EFCAB5: variants seen among roughly 807,000 people sequenced by gnomAD.
EFCAB5 encodes EF-hand calcium-binding domain-containing protein 5.
In EFCAB5, 131 loss-of-function variants were observed where a neutral mutation model predicts 167.9. The ratio of observed to expected loss-of-function variants is 0.78; its 90% CI spans 0.68 to 0.90. The LOEUF (loss-of-function observed/expected upper bound fraction) is 0.90. Ranked by LOEUF, EFCAB5 falls within the 40% of genes least tolerant of loss-of-function variation. The pLI, the probability that EFCAB5 is intolerant of heterozygous loss-of-function variation, is 0.00. For missense variants in EFCAB5, 1,663 were observed against 1,745.2 expected (o/e 0.95, Z 0.84); for synonymous variants, 574 against 602.8 (o/e 0.95, Z 0.70).
At chr17:30,091,835 T>G in intron 20 of EFCAB5, 36 bp from the exon 21 acceptor site, 1 of 1,604,496 alleles carries the variant, frequency 6.2e-7, no homozygotes, top group Non-Finnish European at 8.5e-7. Flanking sequence ...TACATTAGAC[T>G]GAACAGCAAT....
chr17:30,069,043 G>A, intron 14 of EFCAB5: 1 of 1,401,820 alleles, frequency 7.1e-7, no homozygotes, highest in Non-Finnish European at 1.0e-6. Context: ...GGATTTCATT[G>A]AAGATTACTT....
intron 7 of EFCAB5, among the ~76,000 whole-genome samples, chr17:30,020,729 C>T (rs893510392): frequency 6.6e-6 from 1 of 152,150 alleles, no homozygotes; most frequent in Non-Finnish European, 1.5e-5. Flanking sequence ...TATAAAGAGA[C>T]ATCCCAAGAT....
intron 8 of EFCAB5, among the ~76,000 whole-genome samples, chr17:30,049,713 A>G (rs1019254338): frequency 3.3e-5 from 5 of 152,324 alleles, no homozygotes; most frequent in African/African-American, 7.2e-5. Context: ...AACTCTAACA[A>G]TATCAAGTAT....
At chr17:30,020,942 G>GTAATAAAGATTACACTAGAAGA (rs71138867) in intron 7 of EFCAB5, among the ~76,000 whole-genome samples, 2 of 151,902 alleles carry the variant, frequency 1.3e-5, no homozygotes, top group African/African-American at 2.4e-5. Flanking sequence ...ACAAATTATT[G>GTAATAAAGATTACACTAGAAGA]TATCAGCATG....
At chr17:29,978,506 T>C (rs532363996) in intron 4 of EFCAB5, among the ~76,000 whole-genome samples, 1 of 152,330 alleles carries the variant, frequency 6.6e-6, no homozygotes, top group Non-Finnish European at 1.5e-5. Flanking sequence ...CAACCACTTA[T>C]GGACTGCAAG....
At position 29,969,211 on chromosome 17, in the gene EFCAB5, C is replaced by G; in HGVS notation, c.611C>G (p.Thr204Ser). The change falls in exon 4 of 23, where the codon ACT becomes AGT. Residue 204 changes from threonine to serine, a missense_variant. By Grantham distance (58) the Thr-to-Ser change is moderately conservative (BLOSUM62 1). Coordinates refer to ENST00000394835, the MANE Select transcript of EFCAB5 (RefSeq NM_198529.4). ...EKKKVLTEAD[T>S]PSKFDPINYL... Reference sequence around the variant, plus strand: ...AAGAAGGTTTTGACAGAAGCTGATACTCCAAGCAAGTTTGACCCAATTAAT... The same window carrying G: ...AAGAAGGTTTTGACAGAAGCTGATAGTCCAAGCAAGTTTGACCCAATTAAT... The G allele has an allele frequency of 2.5e-6, 4 of 1,613,864 alleles. No homozygotes were observed. The highest frequency in any genetic ancestry group is 3.4e-6 in the Non-Finnish European group (4 of 1,179,844).
At chr17:30,078,089 G>A in intron 14 of EFCAB5, 126 bp from the exon 15 acceptor site, 1 of 961,694 alleles carries the variant, frequency 1.0e-6, no homozygotes, top group Admixed American at 2.9e-5. Flanking sequence ...GATGCCTTTG[G>A]TATACTTGGT....
chr17:29,978,654 C>A (rs1263570744), intron 4 of EFCAB5, among the ~76,000 whole-genome samples: 1 of 152,158 alleles, frequency 6.6e-6, no homozygotes, highest in Admixed American at 6.5e-5. Context: ...GAGTCAACTT[C>A]TCTCCAGCTA....
chr17:30,098,780 A>G (rs956994953), intron 22 of EFCAB5, among the ~76,000 whole-genome samples: 22 of 152,312 alleles, frequency 1.4e-4, no homozygotes, highest in African/African-American at 5.3e-4. Context: ...ATCACCCCAA[A>G]TAGAAACCCT....
intron 22 of EFCAB5, among the ~76,000 whole-genome samples, chr17:30,100,996 G>A (rs541456373): frequency 6.6e-6 from 1 of 152,328 alleles, no homozygotes; most frequent in Non-Finnish European, 1.5e-5. Flanking sequence ...TCAGAGAACG[G>A]GAGGTAAGTA....
At chr17:30,041,177 C>CGAAA (rs1474847537) in intron 8 of EFCAB5, among the ~76,000 whole-genome samples, 2 of 142,820 alleles carry the variant, frequency 1.4e-5, no homozygotes, top group Non-Finnish European at 3.0e-5. Context: ...ACTGACAGAT[C>CGAAA]GAAAGAAAGG....
rs551096704 is a variant in EFCAB5 at position 30,072,941 on chromosome 17, T to C, written c.2738-5274T>C. On this transcript the variant is annotated intron_variant, in intron 14 of 22. Coordinates refer to ENST00000394835, the MANE Select transcript of EFCAB5 (RefSeq NM_198529.4). ...ATGGTTTCCTTTTTTATTCAATGGG[T>C]TATATTCCAATATTATCACTATTTG... The C allele has an allele frequency of 7.0e-5, 32 of 457,424 alleles. No homozygotes were observed. In the East Asian group the frequency reaches 1.1e-3, roughly 16 times the overall value. The allele number at this position is 457,424 out of a possible 1,614,324, so 28.3% of individuals were successfully genotyped here.
chr17:30,012,250 C>A (rs1352204207), intron 7 of EFCAB5, among the ~76,000 whole-genome samples: 1 of 152,134 alleles, frequency 6.6e-6, no homozygotes, highest in Non-Finnish European at 1.5e-5. Context: ...GGAGAAGACT[C>A]TACTCCTCCA....
chr17:30,080,914 CTGT>C lies in EFCAB5; in HGVS notation c.3362_3364del (p.Val1121del), dbSNP rs2070976055. On this transcript the variant is annotated inframe_deletion, in exon 17 of 23. Transcript: ENST00000394835. ...TATATGAGGATCTTTGGGGTCTTGGCTGTTGATACCCTTAGAGATCCCCACGAA... is the reference window on the plus strand; with the variant it reads ...TATATGAGGATCTTTGGGGTCTTGGCTGATACCCTTAGAGATCCCCACGAA... 1 of 1,613,620 alleles carries C rather than the reference CTGT, an allele frequency of 6.2e-7. No homozygotes were observed. The highest frequency in any genetic ancestry group is 1.3e-5 in the African/African-American group (1 of 74,900).
chr17:30,092,160 A>G lies in EFCAB5; in HGVS notation c.4224+3A>G. On this transcript the variant is annotated splice_donor_region_variant and intron_variant, in intron 21 of 22. Transcript: ENST00000394835. Reference sequence around the variant, plus strand: ...GAAGTTGGGATAAGTGTAAATTTGTAAGTTTTTTTTTAAAAAGCACCTTTT... The same window carrying G: ...GAAGTTGGGATAAGTGTAAATTTGTGAGTTTTTTTTTAAAAAGCACCTTTT... 6.3e-6 allele frequency: 10 copies of G among 1,598,998 alleles called. No individual in the cohort carries two copies. The highest frequency in any genetic ancestry group is 8.5e-6 in the Non-Finnish European group (10 of 1,173,216).
chr17:30,020,607 G>A (rs565299978), intron 7 of EFCAB5, among the ~76,000 whole-genome samples: 9 of 152,022 alleles, frequency 5.9e-5, no homozygotes, highest in South Asian at 4.2e-4. Context: ...CACCCGCCTC[G>A]GCCTCCCTAA....
chr17:29,953,767 G>T (rs2067557871), intron 3 of EFCAB5, among the ~76,000 whole-genome samples: 1 of 152,246 alleles, frequency 6.6e-6, no homozygotes, highest in African/African-American at 2.4e-5. Flanking sequence ...GTAACAAGAA[G>T]AGGTTGGAAC....
chr17:30,007,455 A>G (rs1054357816), intron 7 of EFCAB5, among the ~76,000 whole-genome samples: 3 of 152,244 alleles, frequency 2.0e-5, no homozygotes, highest in Non-Finnish European at 4.4e-5. Context: ...CTGCCCAAGT[A>G]ACATCACTGG....
chr17:30,006,002 C>T (rs759850023), intron 7 of EFCAB5, among the ~76,000 whole-genome samples: 2 of 152,208 alleles, frequency 1.3e-5, no homozygotes, highest in East Asian at 1.9e-4. Flanking sequence ...CCCTGCTTCA[C>T]GATATCCCAT....
Sources: gnomAD v4.1 joint callset for allele counts (sites outside exome capture counted in the v4.1 genomes callset) on GRCh38, gnomAD v4.1.1 for gene constraint, MANE v1.5 for transcripts, NCBI Gene and HGNC (gene_info 2026-07-23, HGNC 2026-07-21) for gene names.